ZNF529: variants seen among roughly 807,000 people sequenced by gnomAD.
ZNF529 encodes zinc finger protein 529.
ZNF529 carries 11 observed loss-of-function variants against 10.1 expected under a neutral mutation model. The observed-to-expected ratio is 1.09, with a 90% CI of 0.69 to 1.81. The LOEUF (loss-of-function observed/expected upper bound fraction) is 1.81. Ranked by LOEUF, ZNF529 falls within the 40% of genes most tolerant of loss-of-function variation. The pLI is 0.00. For synonymous variants in ZNF529, 204 were observed against 215.7 expected, an observed-to-expected ratio of 0.95 and a Z score of 0.47; for missense variants, 624 against 666.8, an observed-to-expected ratio of 0.94 and a Z score of 0.71.
In ZNF529 at chr19:36,597,119, A is replaced by C. The variant is rs2036853838; in HGVS notation, c.-127-7418T>G. ...ACTCCTGGGCTCAGGCAATGCTCCC[A>C]TCTCACCCCTCAAATGCTGGGATTA... On this transcript the variant is annotated intron_variant, in intron 1 of 4. Coordinates refer to the ZNF529 transcript ENST00000585960. Among the ~76,000 whole-genome samples the C allele has an allele frequency of 2.0e-5, 3 of 152,166 alleles. No homozygotes were observed. In the South Asian group the frequency reaches 6.2e-4, roughly 32 times the overall value.
intron 1 of ZNF529, among the ~76,000 whole-genome samples, chr19:36,591,836 TACAC>T (rs2036724574): frequency 6.6e-6 from 1 of 152,182 alleles, no homozygotes; most frequent in Admixed American, 6.6e-5. Flanking sequence ...ATACCAATCT[TACAC>T]ACACTTTTCC....
At chr19:36,576,718 AAATAATAATAAT>A (rs141522986), upstream of ZNF529, among the ~76,000 whole-genome samples, 1 of 149,832 alleles carries the variant, frequency 6.7e-6, no homozygotes, top group Non-Finnish European at 1.5e-5. Context: ...CTCCGTCTCA[AAATAATAATAAT>A]AATAATAATA....
intron 1 of ZNF529, among the ~76,000 whole-genome samples, chr19:36,595,786 C>T (rs140044395): frequency 1.3e-5 from 2 of 152,092 alleles, no homozygotes; most frequent in East Asian, 3.9e-4. Context: ...TAGCATATAC[C>T]TACAATATAC....
intron 1 of ZNF529, chr19:36,594,772 C>A (rs898897280): frequency 6.6e-6 from 1 of 152,238 alleles, no homozygotes; most frequent in African/African-American, 2.4e-5. Flanking sequence ...ACCACACACA[C>A]AAAAGCAGAA....
chr19:36,557,077 A>G (rs1399898449), intron 2 of ZNF529, among the ~76,000 whole-genome samples: 1 of 152,204 alleles, frequency 6.6e-6, no homozygotes, highest in Admixed American at 6.5e-5. Flanking sequence ...GTTTGATTAC[A>G]TTAGCCTGTG....
At chr19:36,550,414 C>T (rs928813048) in intron 4 of ZNF529, among the ~76,000 whole-genome samples, 1 of 152,086 alleles carries the variant, frequency 6.6e-6, no homozygotes, top group Admixed American at 6.5e-5. Flanking sequence ...GGCACGGTGG[C>T]ACATGCCTGT....
At chr19:36,552,881 G>C (rs2035316394) in intron 4 of ZNF529, among the ~76,000 whole-genome samples, 1 of 152,124 alleles carries the variant, frequency 6.6e-6, no homozygotes, top group Admixed American at 6.5e-5. Context: ...AGTATAAAGA[G>C]ACTAGACAGG....
chr19:36,567,716 TAC>T (rs1317719781), intron 2 of ZNF529, among the ~76,000 whole-genome samples: 3 of 152,100 alleles, frequency 2.0e-5, no homozygotes, highest in Non-Finnish European at 2.9e-5. Context: ...GTGCTGGGAT[TAC>T]AGTCTGAGCC....
chr19:36,603,946 G>A (rs995361527), intron 1 of ZNF529, among the ~76,000 whole-genome samples: 1 of 152,190 alleles, frequency 6.6e-6, no homozygotes, highest in African/African-American at 2.4e-5. Flanking sequence ...TTGGGAAGCC[G>A]AGGCGGGTGG....
chr19:36,545,965 G>A lies in ZNF529; in HGVS notation c.*901C>T, dbSNP rs1600232937. 6.6e-6 allele frequency: 1 copy of A among 150,724 alleles called. No homozygotes were observed. Among genetic ancestry groups the A allele is most frequent in the Non-Finnish European group, 1.5e-5 (1 of 67,714 alleles). The allele number at this position is 150,724 out of a possible 1,614,324, so 9.3% of individuals were successfully genotyped here. On this transcript the variant is annotated 3_prime_UTR_variant, in exon 5 of 5. Transcript: ENST00000591340. ...GTAAAAAGACTGCTTAAAGGAACTG[G>A]TTATATTCCAATATAACACACATAC...
intron 4 of ZNF529, among the ~76,000 whole-genome samples, chr19:36,550,091 C>T (rs2035202228): frequency 6.6e-6 from 1 of 152,140 alleles, no homozygotes; most frequent in Non-Finnish European, 1.5e-5. Flanking sequence ...CAGAGCAACA[C>T]ATAAACACTG....
In ZNF529 at chr19:36,572,611, A is replaced by C. The variant is rs76134209; in HGVS notation, c.-46-219T>G. 1.0e-2 allele frequency among the ~76,000 whole-genome samples: 1,523 copies of C among 152,304 alleles called. 32 individuals are homozygous for C. The highest frequency in any genetic ancestry group is 0.035 in the African/African-American group (1,435 of 41,546). Reference sequence around the variant, plus strand: ...AGCTCAGGAAATACTGTAGTTCTTTAATGTATAAATGGCCTCCAAACTCAT... The same window carrying C: ...AGCTCAGGAAATACTGTAGTTCTTTCATGTATAAATGGCCTCCAAACTCAT... On this transcript the variant is annotated intron_variant, in intron 1 of 4. Coordinates refer to ENST00000591340, the MANE Select transcript of ZNF529 (RefSeq NM_020951.5).
At chr19:36,603,290 G>T (rs2036958512) in intron 1 of ZNF529, among the ~76,000 whole-genome samples, 1 of 152,172 alleles carries the variant, frequency 6.6e-6, no homozygotes, top group Non-Finnish European at 1.5e-5. Flanking sequence ...GCACACAGGA[G>T]AAGTGAACAT....
chr19:36,593,196 G>C (rs1452450028), intron 1 of ZNF529, among the ~76,000 whole-genome samples: 1 of 152,000 alleles, frequency 6.6e-6, no homozygotes, highest in South Asian at 2.1e-4. Flanking sequence ...TCTTTTTATA[G>C]ATAGGGTCTC....
intron 2 of ZNF529, among the ~76,000 whole-genome samples, chr19:36,562,204 C>G (rs1018207583): frequency 1.3e-5 from 2 of 151,834 alleles, no homozygotes; most frequent in Non-Finnish European, 2.9e-5. Flanking sequence ...CACCATTGCA[C>G]TGCAGCCCAG....
At position 36,565,463 on chromosome 19, in the gene ZNF529, GAGGCCA is replaced by G. The variant is rs544074885; in HGVS notation, c.14+6864_14+6869del. Among the ~76,000 whole-genome samples, 20 of 152,274 alleles carry G rather than the reference GAGGCCA, an allele frequency of 1.3e-4. No individual in the cohort carries two copies. In the South Asian group the frequency reaches 4.1e-3, roughly 32 times the overall value. ...CACACCTGTAATCCCAGCATTTTGG[GAGGCCA>G]AGGCAGGCGGATCATGAGGTCAGGA... is the stretch of plus-strand genomic sequence containing the variant. On this transcript the variant is annotated intron_variant, in intron 2 of 4. Transcript: ENST00000591340.
chr19:36,558,762 C>G (rs2035571995), intron 2 of ZNF529, among the ~76,000 whole-genome samples: 1 of 151,638 alleles, frequency 6.6e-6, no homozygotes, highest in South Asian at 2.1e-4. Flanking sequence ...GCACCGGAAA[C>G]AAAAGCAAAA....
intron 2 of ZNF529, among the ~76,000 whole-genome samples, chr19:36,583,657 AAG>A (rs1231215355): frequency 6.6e-6 from 1 of 152,222 alleles, no homozygotes; most frequent in South Asian, 2.1e-4. Context: ...GACAATATGA[AAG>A]AATATGAAAT....
At chr19:36,573,830 C>T (rs765521409), upstream of ZNF529, among the ~76,000 whole-genome samples, 1 of 152,148 alleles carries the variant, frequency 6.6e-6, no homozygotes, top group African/African-American at 2.4e-5. Flanking sequence ...GGGGAGAACT[C>T]GGAGCCTGAG....
Sources: allele counts gnomAD v4.1 joint callset (sites outside exome capture counted in the v4.1 genomes callset), GRCh38; gene constraint gnomAD v4.1.1; transcripts MANE v1.5; gene names NCBI Gene and HGNC (gene_info 2026-07-23, HGNC 2026-07-21).